The following CFAP97 variants were observed in gnomAD, a reference collection of about 807,000 sequenced individuals.
CFAP97 encodes cilia and flagella associated protein 97.
A neutral mutation model predicts 43.1 loss-of-function variants in CFAP97; 36 were observed. The observed-to-expected ratio is 0.84, with a 90% confidence interval of 0.64 to 1.10. The LOEUF is 1.10. Ranked by LOEUF, CFAP97 falls within the 50% of genes least tolerant of loss-of-function variation. The probability of loss-of-function intolerance (pLI) is 0.00; values close to 1 mark genes in which losing one functional copy is unlikely to be tolerated. For synonymous variants in CFAP97, 228 were observed against 225.7 expected (o/e 1.01, Z -0.09); for missense variants, 657 against 620.3 (o/e 1.06, Z -0.63).
upstream of CFAP97, among the ~76,000 whole-genome samples, chr4:185,207,112 G>A (rs1737220912): frequency 1.3e-5 from 2 of 152,040 alleles, no homozygotes; most frequent in Admixed American, 1.3e-4. Context: ...CACTGACCCA[G>A]GGGCAATCTT....
chr4:185,185,707 G>C (rs1049614610), intron 2 of CFAP97, among the ~76,000 whole-genome samples: 11 of 139,732 alleles, frequency 7.9e-5, no homozygotes, highest in African/African-American at 2.7e-4. Context: ...CGTGATCTCA[G>C]TTCACTGCAA....
chr4:185,210,225 C>G (rs1737517168), upstream of CFAP97: 1 of 984,874 alleles, frequency 1.0e-6, no homozygotes, highest in Non-Finnish European at 1.2e-6. This position sits in a 1 kb window ranked among gnomAD's most constrained non-coding sequence, Gnocchi z 4.4. Flanking sequence ...GCCGGCTGGC[C>G]GCGACCTCAG....
chr4:185,185,647 T>TC (rs1462063121), intron 2 of CFAP97, among the ~76,000 whole-genome samples: 1 of 149,270 alleles, frequency 6.7e-6, no homozygotes, highest in Non-Finnish European at 1.5e-5. Context: ...TTTTTTTTTT[T>TC]TTTTTTTGAG....
At chr4:185,198,456 A>G (rs1736659034) in intron 1 of CFAP97, among the ~76,000 whole-genome samples, 1 of 149,370 alleles carries the variant, frequency 6.7e-6, no homozygotes, top group South Asian at 2.1e-4. Context: ...AAAAAAAAAA[A>G]GAAAGAAAGG....
chr4:185,162,718 G>A lies in CFAP97; in HGVS notation c.*80C>T. Reference sequence around the variant, plus strand: ...CAATTGCTAAAACGGTATTCTAGATGTTTACACAGAGAATTATAGGAATAT... The same window carrying A: ...CAATTGCTAAAACGGTATTCTAGATATTTACACAGAGAATTATAGGAATAT... On this transcript the variant is annotated 3_prime_UTR_variant, in exon 5 of 5. Coordinates refer to ENST00000458385, the MANE Select transcript of CFAP97 (RefSeq NM_020827.3). 1 of 1,443,056 alleles carries A rather than the reference G, an allele frequency of 6.9e-7. No homozygotes were observed. The allele number at this position is 1,443,056 out of a possible 1,614,324, so 89.4% of individuals were successfully genotyped here. A position where few individuals can be genotyped will look rare whatever the true frequency, so the allele number is the denominator to read the frequency against.
intron 1 of CFAP97, among the ~76,000 whole-genome samples, chr4:185,202,218 G>A (rs1736870145): frequency 6.6e-6 from 1 of 152,124 alleles, no homozygotes; most frequent in Non-Finnish European, 1.5e-5. Flanking sequence ...TGCTACCCAC[G>A]AGGGTAGAAA....
intron 4 of CFAP97, among the ~76,000 whole-genome samples, chr4:185,163,670 G>C (rs1188975968): frequency 1.3e-5 from 2 of 152,002 alleles, no homozygotes; most frequent in South Asian, 2.1e-4. Flanking sequence ...ATAAGGGCTG[G>C]AGGCTATTAG....
intron 3 of CFAP97, among the ~76,000 whole-genome samples, chr4:185,175,066 T>C (rs1735461159): frequency 6.6e-6 from 1 of 152,214 alleles, no homozygotes; most frequent in Non-Finnish European, 1.5e-5. Context: ...AAATAAGTGA[T>C]GTACAATTTA....
rs1359640043 is a variant in CFAP97 at position 185,209,370 on chromosome 4, T to C, written c.-119A>G. 1.3e-5 allele frequency: 2 copies of C among 152,404 alleles called. No homozygotes were observed. The highest frequency in any genetic ancestry group is 4.8e-5 in the African/African-American group (2 of 41,458). 9.4% of individuals were successfully genotyped at this position (152,404 alleles called of 1,614,324 possible). A position where few individuals can be genotyped will look rare whatever the true frequency, so the allele number is the denominator to read the frequency against. On this transcript the variant is annotated 5_prime_UTR_variant, in exon 1 of 3. Coordinates refer to the CFAP97 transcript ENST00000503223. This position sits in a 1 kb window ranked among gnomAD's most constrained non-coding sequence, Gnocchi z 5.2. The stretch of plus-strand genomic sequence containing the variant: ...CGCCGCTGACACCTGCAGCAAAATT[T>C]TCCATGAACAGACGGCATCCTGTAG...
chr4:185,190,715 C>A lies in CFAP97; in HGVS notation c.482G>T (p.Ser161Ile), dbSNP rs1736206654. Residue 161 changes from serine to isoleucine, a missense_variant, in exon 2 of 5, where the codon AGC becomes ATC. Transcript: ENST00000458385. Reference protein sequence around the residue: ...SAKPSTNVKKSIRKKYCKVSS... With the variant: ...SAKPSTNVKKIIRKKYCKVSS... ...AACTTTGCAATACTTTTTCCTTATG[C>A]TTTTTTTAACGTTAGTAGATGGTTT... 1.9e-6 allele frequency: 3 copies of A among 1,571,782 alleles called. No individual in the cohort carries two copies. The highest frequency in any genetic ancestry group is 2.6e-6 in the Non-Finnish European group (3 of 1,156,772).
chr4:185,184,045 G>C (rs750026604), intron 2 of CFAP97, among the ~76,000 whole-genome samples: 14 of 152,142 alleles, frequency 9.2e-5, no homozygotes, highest in African/African-American at 1.4e-4. Flanking sequence ...AAATGGGTTA[G>C]ACAGGAAGAG....
intron 2 of CFAP97, among the ~76,000 whole-genome samples, chr4:185,183,294 G>C (rs922012501): frequency 2.6e-5 from 4 of 152,184 alleles, no homozygotes; most frequent in African/African-American, 9.6e-5. Flanking sequence ...TAAACTGAAA[G>C]GATGCAGAGA....
chr4:185,168,234 C>T (rs542713845), intron 3 of CFAP97, among the ~76,000 whole-genome samples: 54 of 150,270 alleles, frequency 3.6e-4, no homozygotes, highest in Admixed American at 1.6e-3. Context: ...GTACGGTTTA[C>T]AAAATCTTAG....
Position 185,190,238 on chromosome 4 carries a change from G to A in CFAP97, c.959C>T (p.Ser320Phe), listed in dbSNP as rs1736174667. The change falls in exon 2 of 5, where the codon TCC becomes TTC. Residue 320 changes from serine to phenylalanine, a missense_variant. Ser to Phe is a radical substitution (Grantham distance 155). Transcript: ENST00000458385. ...KGKEKHEPDVSSKSSSVLDSS... is the reference protein window; with the variant it reads ...KGKEKHEPDVFSKSSSVLDSS... ...GTCTAACACTGAAGACGACTTTGAG[G>A]AGACATCAGGCTCATGTTTTTCTTT... 6.2e-7 allele frequency: 1 copy of A among 1,613,482 alleles called. No individual in the cohort carries two copies. The highest frequency in any genetic ancestry group is 1.1e-5 in the South Asian group (1 of 90,958).
chr4:185,179,476 A>C (rs1735695743), intron 2 of CFAP97, among the ~76,000 whole-genome samples: 1 of 152,204 alleles, frequency 6.6e-6, no homozygotes, highest in South Asian at 2.1e-4. Context: ...AGGTCATAAA[A>C]GGCAATGAGG....
chr4:185,175,878 T>C lies in CFAP97; in HGVS notation c.1228A>G (p.Thr410Ala). ...RQAEKPGSKS[T>A]IPRSADHPPK... ...GGATGATCAGCCGATCTAGGAATTG[T>C]ACTTTTGCTTCCCGGCTTTTCCGCC... Residue 410 changes from threonine to alanine, a missense_variant, in exon 3 of 5, where the codon ACA (threonine) becomes GCA (alanine). Physicochemically the swap from Thr to Ala is moderately conservative, Grantham distance 58. Transcript: ENST00000458385. 6.2e-7 allele frequency: 1 copy of C among 1,613,984 alleles called. No homozygotes were observed. The highest frequency in any genetic ancestry group is 8.5e-7 in the Non-Finnish European group (1 of 1,179,886).
At chr4:185,205,227 G>A (rs908228606), upstream of CFAP97, among the ~76,000 whole-genome samples, 5 of 152,238 alleles carry the variant, frequency 3.3e-5, no homozygotes, top group African/African-American at 1.2e-4. Context: ...AGGCCGAGGC[G>A]GGTGGGGCCC....
At chr4:185,185,403 T>A (rs1016767662) in intron 2 of CFAP97, among the ~76,000 whole-genome samples, 2 of 152,304 alleles carry the variant, frequency 1.3e-5, no homozygotes, top group African/African-American at 4.8e-5. Flanking sequence ...CACCATCCAA[T>A]TTTTGCATTA....
At chr4:185,207,516 C>G (rs1325994590), upstream of CFAP97, among the ~76,000 whole-genome samples, 14 of 152,168 alleles carry the variant, frequency 9.2e-5, no homozygotes, top group Non-Finnish European at 1.0e-4. Flanking sequence ...CCACGCCTGG[C>G]CAACTATCCA....
Sources: allele counts gnomAD v4.1 joint callset (sites outside exome capture counted in the v4.1 genomes callset), GRCh38; gene constraint gnomAD v4.1.1; non-coding constraint Gnocchi (gnomAD v3.1); transcripts MANE v1.5; gene names NCBI Gene and HGNC (gene_info 2026-07-23, HGNC 2026-07-21).